RPS6KC1: variants seen among roughly 807,000 people sequenced by gnomAD.
RPS6KC1 encodes the protein ribosomal protein S6 kinase C1.
Under a neutral mutation model 103.8 loss-of-function variants are expected in RPS6KC1, and 54 were observed. The observed-to-expected ratio is 0.52, with a 90% CI of 0.42 to 0.65. RPS6KC1 has a LOEUF of 0.65. Among genes scored for constraint, RPS6KC1 ranks in the 30% least tolerant of loss-of-function variants. The pLI is 0.00. For missense variants in RPS6KC1, 1,151 were observed against 1,253.8 expected (o/e 0.92, Z 1.24); for synonymous variants, 439 against 438.7 (o/e 1.00, Z -0.01).
the RPS6KC1 span, among the ~76,000 whole-genome samples, chr1:213,299,879 A>G: frequency 2.0e-5 from 3 of 152,014 alleles, no homozygotes; most frequent in East Asian, 1.9e-4. Context: ...ATTTCTGCTC[A>G]CTGTAAGCTC....
the RPS6KC1 span, among the ~76,000 whole-genome samples, chr1:213,624,613 C>T: frequency 6.6e-6 from 1 of 152,108 alleles, no homozygotes; most frequent in South Asian, 2.1e-4. Context: ...ATGGTCAGGC[C>T]TGGGCTGGGG....
chr1:213,771,217 G>T, the RPS6KC1 span, among the ~76,000 whole-genome samples: 1 of 152,098 alleles, frequency 6.6e-6, no homozygotes. Context: ...CCCTTTCCAG[G>T]AAAGAGTGAG....
At chr1:213,186,682 C>T (rs144153745) in intron 8 of RPS6KC1, among the ~76,000 whole-genome samples, 10 of 152,126 alleles carry the variant, frequency 6.6e-5, no homozygotes, top group Non-Finnish European at 1.0e-4. Context: ...TGCTCAGCTC[C>T]CTCTTGAACA....
At chr1:213,061,897 T>C (rs1429312887) in intron 1 of RPS6KC1, among the ~76,000 whole-genome samples, 1 of 152,174 alleles carries the variant, frequency 6.6e-6, no homozygotes, top group African/African-American at 2.4e-5. Context: ...TTTGTCACTT[T>C]TTCTTCTTAG....
At chr1:213,655,376 G>C in the RPS6KC1 span, among the ~76,000 whole-genome samples, 1 of 152,246 alleles carries the variant, frequency 6.6e-6, no homozygotes, top group African/African-American at 2.4e-5. Context: ...TTAAATGTAG[G>C]TAAGTAACAC....
the RPS6KC1 span, among the ~76,000 whole-genome samples, chr1:213,661,783 T>G: frequency 6.6e-6 from 1 of 152,232 alleles, no homozygotes; most frequent in East Asian, 1.9e-4. Context: ...TAGATACCCC[T>G]TAAAACATTT....
At chr1:213,555,294 C>A in the RPS6KC1 span, among the ~76,000 whole-genome samples, 1 of 152,188 alleles carries the variant, frequency 6.6e-6, no homozygotes, top group Non-Finnish European at 1.5e-5. Flanking sequence ...TCCCTGGCAG[C>A]AAGGCCCTTG....
chr1:213,327,597 G>A, the RPS6KC1 span, among the ~76,000 whole-genome samples: 1 of 152,150 alleles, frequency 6.6e-6, no homozygotes, highest in Non-Finnish European at 1.5e-5. Context: ...GTGTGTGTGT[G>A]CATGTGTATG....
At chr1:213,595,793 T>C in the RPS6KC1 span, among the ~76,000 whole-genome samples, 1 of 152,206 alleles carries the variant, frequency 6.6e-6, no homozygotes, top group African/African-American at 2.4e-5. Flanking sequence ...TTCAGCTAAT[T>C]TTGATCTACC....
At chr1:213,114,874 G>A (rs1425676646) in intron 4 of RPS6KC1, among the ~76,000 whole-genome samples, 2 of 152,110 alleles carry the variant, frequency 1.3e-5, no homozygotes, top group Non-Finnish European at 2.9e-5. Flanking sequence ...TGCATATATT[G>A]AACCAGCCTT....
chr1:213,726,307 C>A, the RPS6KC1 span, among the ~76,000 whole-genome samples: 1 of 152,118 alleles, frequency 6.6e-6, no homozygotes, highest in Non-Finnish European at 1.5e-5. Context: ...ATTTCTGACC[C>A]CAAACAACCC....
chr1:213,218,317 C>A (rs564684002), intron 8 of RPS6KC1, among the ~76,000 whole-genome samples: 1 of 151,412 alleles, frequency 6.6e-6, no homozygotes, highest in Non-Finnish European at 1.5e-5. Context: ...TTACAAGGGA[C>A]GTGAAGGACC....
intron 8 of RPS6KC1, among the ~76,000 whole-genome samples, chr1:213,184,837 T>C (rs890273304): frequency 2.0e-5 from 3 of 152,196 alleles, no homozygotes; most frequent in South Asian, 2.1e-4. Context: ...TTTTATCCCA[T>C]TGTGGTCAGA....
the RPS6KC1 span, chr1:213,817,730 A>G: frequency 6.6e-6 from 1 of 152,208 alleles, no homozygotes; most frequent in Non-Finnish European, 1.5e-5. Context: ...TAAAATGGGA[A>G]TAATTGAAGT....
At chr1:213,223,601 A>G (rs993038795) in intron 8 of RPS6KC1, among the ~76,000 whole-genome samples, 3 of 151,580 alleles carry the variant, frequency 2.0e-5, no homozygotes, top group Admixed American at 6.6e-5. Context: ...TTCTTTATCC[A>G]CTCATTGGTC....
the RPS6KC1 span, among the ~76,000 whole-genome samples, chr1:213,710,005 G>C: frequency 6.6e-6 from 1 of 152,194 alleles, no homozygotes; most frequent in Non-Finnish European, 1.5e-5. Flanking sequence ...GTTGATTTGG[G>C]TTGGAGAGTT....
chr1:213,059,730 T>G (rs548369618), intron 1 of RPS6KC1, among the ~76,000 whole-genome samples: 1 of 152,080 alleles, frequency 6.6e-6, no homozygotes, highest in Non-Finnish European at 1.5e-5. Context: ...TGGAGTGCAA[T>G]GGCGTGATCT....
At chr1:213,292,885 AAAAG>A in the RPS6KC1 span, among the ~76,000 whole-genome samples, 2 of 152,250 alleles carry the variant, frequency 1.3e-5, no homozygotes, top group South Asian at 2.1e-4. Flanking sequence ...CAAAAGGAGA[AAAAG>A]AAAGAAAGTC....
chr1:213,256,550 CG>C (rs1411227958), intron 12 of RPS6KC1, among the ~76,000 whole-genome samples: 24 of 150,900 alleles, frequency 1.6e-4, no homozygotes, highest in South Asian at 8.4e-4. Flanking sequence ...AAAAAAAAGT[CG>C]CAAAAAAAAT....
Sources: allele counts gnomAD v4.1 joint callset (sites outside exome capture counted in the v4.1 genomes callset), GRCh38; gene constraint gnomAD v4.1.1; transcripts MANE v1.5; gene names NCBI Gene and HGNC (gene_info 2026-07-23, HGNC 2026-07-21).